The following CENPO variants were observed in gnomAD, a reference collection of about 807,000 sequenced individuals.
The protein encoded by CENPO is centromere protein O.
CENPO carries 30 observed loss-of-function variants against 36.1 expected under a neutral mutation model. The ratio of observed to expected loss-of-function variants is 0.83; its 90% CI spans 0.62 to 1.13. The LOEUF is 1.13. Among genes scored for constraint, CENPO ranks in the 50% most tolerant of loss-of-function variants. CENPO has a pLI of 0.00. For missense variants in CENPO, 349 were observed against 357.8 expected (o/e 0.98, Z 0.20); for synonymous variants, 171 against 142.3 (o/e 1.20, Z -1.44).
intron 3 of CENPO, among the ~76,000 whole-genome samples, chr2:24,804,180 T>G (rs1345411320): frequency 6.6e-6 from 1 of 152,200 alleles, no homozygotes; most frequent in Non-Finnish European, 1.5e-5. Flanking sequence ...TTCCATTTGC[T>G]TGGTAGATCT....
Position 24,820,854 on chromosome 2 carries a change from G to A in CENPO, c.*1536G>A. Reference sequence around the variant, plus strand: ...AACCCCGCCTTTGTTCATGCCTAGGGTAGAGGCATAAAGTTCAGCACAGCC... The same window carrying A: ...AACCCCGCCTTTGTTCATGCCTAGGATAGAGGCATAAAGTTCAGCACAGCC... On this transcript the variant is annotated 3_prime_UTR_variant, in exon 8 of 8. Coordinates refer to ENST00000380834, the MANE Select transcript of CENPO (RefSeq NM_001322101.2). 6.2e-7 allele frequency: 1 copy of A among 1,613,696 alleles called. No homozygotes were observed. Among genetic ancestry groups the A allele is most frequent in the Non-Finnish European group, 8.5e-7 (1 of 1,179,752 alleles).
intron 2 of CENPO, among the ~76,000 whole-genome samples, chr2:24,798,132 C>T (rs933642125): frequency 3.3e-5 from 5 of 152,094 alleles, no homozygotes; most frequent in Admixed American, 6.6e-5. Flanking sequence ...CCAAAACGTT[C>T]GGATACTCAA....
intron 3 of CENPO, among the ~76,000 whole-genome samples, chr2:24,807,804 G>A (rs923137809): frequency 6.6e-6 from 1 of 152,172 alleles, no homozygotes. Context: ...GCTATTGTCA[G>A]TTTTAAAAAT....
intron 3 of CENPO, among the ~76,000 whole-genome samples, chr2:24,801,506 A>C (rs574432353): frequency 6.6e-6 from 1 of 152,140 alleles, no homozygotes; most frequent in Non-Finnish European, 1.5e-5. Flanking sequence ...ATTTTTGTAT[A>C]AGGTGTAAGG....
chr2:24,811,042 C>G (rs1229246228), intron 3 of CENPO, among the ~76,000 whole-genome samples: 2 of 150,278 alleles, frequency 1.3e-5, no homozygotes, highest in African/African-American at 4.9e-5. Context: ...CTCCTGGCTT[C>G]AAGTGATTCT....
rs758633198 is a variant in CENPO, at chr2:24,820,144, C to T, written c.*826C>T. Reference sequence around the variant, plus strand: ...AGAGGGAGGGGGAGCAAGAACGTGGCGTTACGGGGGGAGCCTAGACTGAGG... The same window carrying T: ...AGAGGGAGGGGGAGCAAGAACGTGGTGTTACGGGGGGAGCCTAGACTGAGG... On this transcript the variant is annotated 3_prime_UTR_variant, in exon 8 of 8. Coordinates refer to ENST00000380834, the MANE Select transcript of CENPO (RefSeq NM_001322101.2). 1.0e-4 allele frequency: 109 copies of T among 1,065,252 alleles called. No homozygotes were observed. The highest frequency in any genetic ancestry group is 1.3e-4 in the Non-Finnish European group (104 of 794,598). The allele number at this position is 1,065,252 out of a possible 1,614,324, so 66.0% of individuals were successfully genotyped here.
intron 4 of CENPO, among the ~76,000 whole-genome samples, chr2:24,814,983 G>A (rs1273579703): frequency 6.6e-6 from 1 of 152,160 alleles, no homozygotes; most frequent in African/African-American, 2.4e-5. Flanking sequence ...GCTTATGCCT[G>A]TAATCCCATC....
In CENPO at chr2:24,814,661, G is replaced by A. The variant is rs934084313; in HGVS notation, c.334+168G>A. Reference sequence around the variant, plus strand: ...ACACAGACACACACACAGCTGACGTGCTATTTGTAGGCCTATCTTCACCTA... The same window carrying A: ...ACACAGACACACACACAGCTGACGTACTATTTGTAGGCCTATCTTCACCTA... On this transcript the variant is annotated intron_variant, in intron 4 of 7. Coordinates refer to ENST00000380834, the MANE Select transcript of CENPO (RefSeq NM_001322101.2). 4 of 594,164 alleles carry A rather than the reference G, an allele frequency of 6.7e-6. No individual in the cohort carries two copies. In the East Asian group the frequency reaches 1.1e-4, roughly 17 times the overall value. 36.8% of individuals were successfully genotyped at this position (594,164 alleles called of 1,614,324 possible).
Position 24,806,315 on chromosome 2 carries a change from GCTGCAACCACTGTC to G in CENPO, c.216+6477_216+6490del, listed in dbSNP as rs1174559199. Among the ~76,000 whole-genome samples, 3 of 152,216 alleles carry G rather than the reference GCTGCAACCACTGTC, an allele frequency of 2.0e-5. No individual in the cohort carries two copies. The South Asian group carries it at 6.2e-4, about 31-fold the overall frequency. On this transcript the variant is annotated intron_variant, in intron 3 of 7. Coordinates refer to ENST00000380834, the MANE Select transcript of CENPO (RefSeq NM_001322101.2). ...CCCTGCTTTGGCTCACACTCGGTGT[GCTGCAACCACTGTC>G]CTGCACCCACGGTCCGACACTTCCC...
chr2:24,818,295 C>T (rs1667055361), intron 7 of CENPO, among the ~76,000 whole-genome samples: 1 of 152,110 alleles, frequency 6.6e-6, no homozygotes, highest in South Asian at 2.1e-4. Flanking sequence ...ACTGCAATAG[C>T]TTGATTCTGT....
chr2:24,808,824 CTT>C (rs1558376391), intron 3 of CENPO, among the ~76,000 whole-genome samples: 2 of 150,998 alleles, frequency 1.3e-5, no homozygotes, highest in Admixed American at 1.3e-4. Context: ...TTTGTGGTAA[CTT>C]TGTCAGGTTT....
intron 3 of CENPO, 92 bp downstream of exon 3, chr2:24,799,936 T>C: frequency 7.3e-7 from 1 of 1,371,412 alleles, no homozygotes; most frequent in South Asian, 1.3e-5. Flanking sequence ...TTATAATGTG[T>C]TTTACTTGTG....
In CENPO at chr2:24,799,596, G is replaced by A. The variant is rs886431336; in HGVS notation, c.47-79G>A. The A allele has an allele frequency of 5.3e-6, 6 of 1,123,402 alleles. No individual in the cohort carries two copies. In the South Asian group the frequency reaches 9.9e-5, roughly 18 times the overall value. 69.6% of individuals were successfully genotyped at this position (1,123,402 alleles called of 1,614,324 possible). ...GGTAAAAAAAAAAAAAGAGTCACCT[G>A]TTCTTCCCTGAGATGCTTCCTGTTG... On this transcript the variant is annotated intron_variant, in intron 2 of 7. Coordinates refer to ENST00000380834, the MANE Select transcript of CENPO (RefSeq NM_001322101.2).
At chr2:24,798,524 G>T (rs982021732) in intron 2 of CENPO, among the ~76,000 whole-genome samples, 3 of 151,468 alleles carry the variant, frequency 2.0e-5, no homozygotes, top group African/African-American at 4.9e-5. Context: ...GCAGTGGCAC[G>T]ATCTTGGCTC....
intron 3 of CENPO, among the ~76,000 whole-genome samples, chr2:24,800,466 T>TCCCTCCC (rs1178776572): frequency 3.1e-5 from 4 of 127,198 alleles, no homozygotes; most frequent in African/African-American, 5.9e-5. Context: ...CCTAATGCTA[T>TCCCTCCC]CCCTCCCCCC....
chr2:24,811,955 T>C (rs1193117858), intron 3 of CENPO, among the ~76,000 whole-genome samples: 1 of 152,224 alleles, frequency 6.6e-6, no homozygotes, highest in Non-Finnish European at 1.5e-5. Context: ...CCATAGTATT[T>C]TATTGTCTTA....
rs1227773458 is a variant in CENPO at position 24,819,888 on chromosome 2, T to C, written c.*570T>C. 2.5e-6 allele frequency: 4 copies of C among 1,592,326 alleles called. No homozygotes were observed. The African/African-American group carries it at 5.4e-5, about 22-fold the overall frequency. ...CGGGACTTCCTTCAGTTTCAAAAAA[T>C]AAATTCTCCCTTCCGGTTTGGACTG... On this transcript the variant is annotated 3_prime_UTR_variant, in exon 8 of 8. Coordinates refer to ENST00000380834, the MANE Select transcript of CENPO (RefSeq NM_001322101.2).
intron 3 of CENPO, among the ~76,000 whole-genome samples, chr2:24,809,713 GTTTTT>G (rs908592659): frequency 6.8e-6 from 1 of 147,538 alleles, no homozygotes; most frequent in Non-Finnish European, 1.5e-5. Context: ...TGAGTATTTG[GTTTTT>G]TTTTTAAGTT....
At chr2:24,800,979 C>G (rs1448470014) in intron 3 of CENPO, among the ~76,000 whole-genome samples, 4 of 152,158 alleles carry the variant, frequency 2.6e-5, no homozygotes, top group Non-Finnish European at 4.4e-5. Flanking sequence ...CACAGCCTCT[C>G]CAGCACCTGT....
Sources: allele counts gnomAD v4.1 joint callset (sites outside exome capture counted in the v4.1 genomes callset), GRCh38; gene constraint gnomAD v4.1.1; transcripts MANE v1.5; gene names NCBI Gene and HGNC (gene_info 2026-07-23, HGNC 2026-07-21).